ZNF438: variants seen among roughly 807,000 people sequenced by gnomAD.
ZNF438 encodes zinc finger protein 438.
ZNF438 carries 25 observed loss-of-function variants against 38.0 expected under a neutral mutation model. That is an observed-to-expected ratio of 0.66 (90% confidence interval 0.48 to 0.92). ZNF438 has a LOEUF of 0.92. Among genes scored for constraint, ZNF438 ranks in the 40% least tolerant of loss-of-function variants. The pLI is 0.00. For missense variants in ZNF438, 1,007 were observed against 999.6 expected (o/e 1.01, Z -0.10); for synonymous variants, 372 against 364.1 (o/e 1.02, Z -0.25).
chr10:31,012,864 T>C (rs2055838546), intron 1 of ZNF438, among the ~76,000 whole-genome samples: 1 of 152,168 alleles, frequency 6.6e-6, no homozygotes. Context: ...TATTGGCCAG[T>C]GAGGGTGAAG....
At chr10:31,029,399 TA>T (rs2057139940) in intron 1 of ZNF438, among the ~76,000 whole-genome samples, 1 of 152,248 alleles carries the variant, frequency 6.6e-6, no homozygotes, top group Non-Finnish European at 1.5e-5. Context: ...ACTAAATTTG[TA>T]ATTTTCCTCA....
intron 3 of ZNF438, among the ~76,000 whole-genome samples, chr10:30,879,161 G>T (rs915222329): frequency 1.3e-5 from 2 of 152,078 alleles, no homozygotes; most frequent in Non-Finnish European, 1.5e-5. Context: ...AAGGTCCAAG[G>T]TACACTACAG....
chr10:30,887,460 C>A (rs554625312), intron 3 of ZNF438, among the ~76,000 whole-genome samples: 1 of 149,908 alleles, frequency 6.7e-6, no homozygotes, highest in African/African-American at 2.4e-5. Context: ...GTACTCCAGC[C>A]CAGATTCCTC....
intron 2 of ZNF438, chr10:30,920,782 A>G (rs2044205869): frequency 6.6e-6 from 1 of 152,242 alleles, no homozygotes; most frequent in South Asian, 2.1e-4. Flanking sequence ...GAATAGAAAT[A>G]GCCGAGTGTA....
exon 5 of ZNF438, chr10:30,849,555 T>A: frequency 1.2e-6 from 2 of 1,614,260 alleles, no homozygotes; most frequent in African/African-American, 1.3e-5. Flanking sequence ...ACTGAAGAGA[T>A]CAACTGAACT....
At chr10:30,996,883 A>AATT (rs2054101717) in intron 1 of ZNF438, among the ~76,000 whole-genome samples, 1 of 152,184 alleles carries the variant, frequency 6.6e-6, no homozygotes, top group Non-Finnish European at 1.5e-5. Context: ...AATACAAATC[A>AATT]GTAACAGAAG....
chr10:30,871,450 C>A (rs968623), intron 4 of ZNF438, among the ~76,000 whole-genome samples: 1 of 151,898 alleles, frequency 6.6e-6, no homozygotes, highest in Non-Finnish European at 1.5e-5. Context: ...CATGCCAGGA[C>A]GCTTTAAATC....
intron 1 of ZNF438, 83 bp from the exon 3 acceptor site, chr10:30,941,734 A>G (rs2046838442): frequency 1.3e-5 from 2 of 152,216 alleles, no homozygotes; most frequent in African/African-American, 4.8e-5. Flanking sequence ...ACTGCACCTG[A>G]AAGACCATAA....
Position 30,959,461 on chromosome 10 carries a change from G to A in ZNF438, c.-191-17810C>T, listed in dbSNP as rs190842671. ...TAATTCCTTAAAATAAATTTTGGCC[G>A]GGCGCGGTGGCTCACACCTGTAATC... On this transcript the variant is annotated intron_variant, in intron 1 of 5. Coordinates refer to ENST00000413025, the Ensembl canonical transcript of ZNF438. Among the ~76,000 whole-genome samples the A allele has an allele frequency of 1.6e-3, 233 of 145,724 alleles. 5 individuals are homozygous for A. In the East Asian group the frequency reaches 0.024, roughly 15 times the overall value.
At position 30,941,596 on chromosome 10, in the gene ZNF438, A is replaced by C. The variant is rs2046825087; in HGVS notation, c.-136T>G. On this transcript the variant is annotated 5_prime_UTR_variant, in exon 2 of 6. It adds an upstream start codon to the 5' untranslated region. Coordinates refer to ENST00000413025, the Ensembl canonical transcript of ZNF438. ...TTACCTGAAGTGATTTGACTTAGCA[A>C]ATGTCTTCTAACTTTAACACTTCAG... 1 of 152,198 alleles carries C rather than the reference A, an allele frequency of 6.6e-6. No individual in the cohort carries two copies. The highest frequency in any genetic ancestry group is 2.4e-5 in the African/African-American group (1 of 41,446). The allele number at this position is 152,198 out of a possible 1,614,324, so 9.4% of individuals were successfully genotyped here.
At chr10:31,022,017 G>A (rs1172709491) in intron 1 of ZNF438, among the ~76,000 whole-genome samples, 1 of 152,148 alleles carries the variant, frequency 6.6e-6, no homozygotes, top group African/African-American at 2.4e-5. Flanking sequence ...GGACCTGAAG[G>A]AAAATTTTTT....
chr10:30,932,685 G>A (rs746922291), intron 2 of ZNF438, among the ~76,000 whole-genome samples: 7 of 152,140 alleles, frequency 4.6e-5, no homozygotes, highest in Non-Finnish European at 1.0e-4. Flanking sequence ...GTTGAATTAT[G>A]ACCCCAAAAT....
exon 6 of ZNF438, chr10:30,845,411 T>C: frequency 1.2e-6 from 2 of 1,614,162 alleles, no homozygotes; most frequent in Non-Finnish European, 1.7e-6. Context: ...AGGTCCCTTC[T>C]TGTAGCCTGC....
intron 1 of ZNF438, among the ~76,000 whole-genome samples, chr10:30,947,728 T>G (rs1238666858): frequency 6.6e-6 from 1 of 152,186 alleles, no homozygotes; most frequent in Admixed American, 6.5e-5. Context: ...AATCTCGTGG[T>G]GCACCATTTT....
intron 1 of ZNF438, among the ~76,000 whole-genome samples, chr10:30,994,363 T>G (rs1188838966): frequency 6.6e-6 from 1 of 152,202 alleles, no homozygotes; most frequent in Non-Finnish European, 1.5e-5. Context: ...TTTTAAGAGG[T>G]GACTGGGTCA....
At chr10:30,886,077 T>C (rs1394654419) in intron 3 of ZNF438, among the ~76,000 whole-genome samples, 2 of 152,244 alleles carry the variant, frequency 1.3e-5, no homozygotes, top group African/African-American at 4.8e-5. Flanking sequence ...GGATGCTATA[T>C]AACTTCATCA....
At chr10:31,026,793 T>C (rs1226216855) in intron 1 of ZNF438, among the ~76,000 whole-genome samples, 1 of 152,100 alleles carries the variant, frequency 6.6e-6, no homozygotes, top group East Asian at 1.9e-4. Context: ...CATGCACACG[T>C]ATGTTTATTG....
chr10:30,949,321 A>G (rs1445265768), intron 1 of ZNF438, among the ~76,000 whole-genome samples: 1 of 151,908 alleles, frequency 6.6e-6, no homozygotes, highest in African/African-American at 2.4e-5. Flanking sequence ...GACCATCAAG[A>G]CTACGAAGAA....
intron 3 of ZNF438, among the ~76,000 whole-genome samples, chr10:30,881,256 G>A (rs1489490492): frequency 6.6e-6 from 1 of 152,044 alleles, no homozygotes; most frequent in Non-Finnish European, 1.5e-5. Context: ...TACAAAAAAA[G>A]CTCTTCTAAT....
Sources: gnomAD v4.1 joint callset for allele counts (sites outside exome capture counted in the v4.1 genomes callset) on GRCh38, gnomAD v4.1.1 for gene constraint, MANE v1.5 for transcripts, NCBI Gene and HGNC (gene_info 2026-07-23, HGNC 2026-07-21) for gene names.